Variants in ZSWIM5 observed in about 807,000 individuals in gnomAD.
ZSWIM5 encodes the protein zinc finger SWIM domain-containing protein 5.
In ZSWIM5, 55 loss-of-function variants were observed where a neutral mutation model predicts 119.6. That is an observed-to-expected ratio of 0.46 (90% confidence interval 0.37 to 0.58). The LOEUF (loss-of-function observed/expected upper bound fraction) is 0.58, where lower values mean the gene tolerates loss of function less well. Ranked by LOEUF, ZSWIM5 falls within the 20% of genes least tolerant of loss-of-function variation. The pLI, the probability that ZSWIM5 is intolerant of heterozygous loss-of-function variation, is 0.00. For synonymous variants in ZSWIM5, 537 were observed against 606.9 expected, an observed-to-expected ratio of 0.88 and a Z score of 1.69; for missense variants, 1,193 against 1,512.8, an observed-to-expected ratio of 0.79 and a Z score of 3.51.
intron 1 of ZSWIM5, among the ~76,000 whole-genome samples, chr1:45,106,018 C>T (rs1645473311): frequency 7.0e-6 from 1 of 143,606 alleles, no homozygotes; most frequent in Admixed American, 7.0e-5. Context: ...CCCGGCCGCC[C>T]CGTCTGGGAG....
intron 11 of ZSWIM5, among the ~76,000 whole-genome samples, chr1:45,030,517 G>C (rs566298141): frequency 6.6e-6 from 1 of 152,352 alleles, no homozygotes; most frequent in East Asian, 1.9e-4. Context: ...AAAGTGCTGG[G>C]ATTACAGGCG....
At chr1:45,075,511 A>G (rs1570063431) in intron 2 of ZSWIM5, among the ~76,000 whole-genome samples, 2 of 152,204 alleles carry the variant, frequency 1.3e-5, no homozygotes, top group East Asian at 3.8e-4. Flanking sequence ...TTTGTCTGAT[A>G]AAAGTATAGC....
In ZSWIM5 at chr1:45,020,673, A is replaced by G. The variant is rs373706921; in HGVS notation, c.2565T>C (p.Ser855=). The change falls in exon 12 of 14, where the codon AGT becomes AGC. Residue 855 remains serine (S), a synonymous_variant. Transcript: ENST00000359600. Reference sequence around the variant, plus strand: ...CGTTGAGCAGGGTGCTGTCAGTACTACTGTCGGTGGGAGTAGCAATCTTGA... The same window carrying G: ...CGTTGAGCAGGGTGCTGTCAGTACTGCTGTCGGTGGGAGTAGCAATCTTGA... ...DAFKIATPTD[S]STDSTLLNVA... The G allele has an allele frequency of 3.1e-6, 5 of 1,613,472 alleles. No homozygotes were observed. Among genetic ancestry groups the G allele is most frequent in the South Asian group, 2.2e-5 (2 of 90,988 alleles).
intron 1 of ZSWIM5, among the ~76,000 whole-genome samples, chr1:45,156,300 G>A (rs1490497253): frequency 6.9e-6 from 1 of 145,410 alleles, no homozygotes; most frequent in African/African-American, 2.7e-5. Context: ...AGAGAAAGGA[G>A]GGAGGGGGCA....
intron 11 of ZSWIM5, among the ~76,000 whole-genome samples, chr1:45,029,295 T>C (rs1048972955): frequency 6.6e-6 from 1 of 152,266 alleles, no homozygotes; most frequent in African/African-American, 2.4e-5. Flanking sequence ...CATCTTTCCT[T>C]GACATTCATG....
At position 45,062,858 on chromosome 1, in the gene ZSWIM5, C is replaced by G. The variant is rs1445997595; in HGVS notation, c.953-2611G>C. ...ATTTTAGATTCAGGGGATATACGTA[C>G]AGGTTTGTTACATGGGTATACTGTG... is the stretch of plus-strand genomic sequence containing the variant. On this transcript the variant is annotated intron_variant, in intron 2 of 13. Transcript: ENST00000359600. Among the ~76,000 whole-genome samples, 7 of 152,054 alleles carry G rather than the reference C, an allele frequency of 4.6e-5. No homozygotes were observed. The East Asian group carries it at 9.6e-4, about 21-fold the overall frequency.
At chr1:45,082,413 T>C (rs569137119) in intron 2 of ZSWIM5, among the ~76,000 whole-genome samples, 2 of 152,154 alleles carry the variant, frequency 1.3e-5, no homozygotes, top group Non-Finnish European at 2.9e-5. Context: ...CCTAAATTCA[T>C]TTCTCCTCTT....
intron 1 of ZSWIM5, among the ~76,000 whole-genome samples, chr1:45,093,624 G>C (rs116338211): frequency 1.3e-5 from 2 of 152,308 alleles, no homozygotes; most frequent in African/African-American, 4.8e-5. Flanking sequence ...CTTGTTGGGA[G>C]TTTCTTTTTC....
rs1645328464 is a variant in ZSWIM5 at position 45,086,073 on chromosome 1, G to C, written c.952+1808C>G. ...TTCTGCAGGCTGTACAGGAAGCATG[G>C]CTTGGGAGGCCTCAGGAACATTACA... On this transcript the variant is annotated intron_variant, in intron 2 of 13. Coordinates refer to ENST00000359600, the MANE Select transcript of ZSWIM5 (RefSeq NM_020883.2). Among the ~76,000 whole-genome samples, 3 of 152,326 alleles carry C rather than the reference G, an allele frequency of 2.0e-5. No individual in the cohort carries two copies. The South Asian group carries it at 6.2e-4, about 32-fold the overall frequency.
At chr1:45,112,067 TTTG>T (rs1331080276) in intron 1 of ZSWIM5, among the ~76,000 whole-genome samples, 1 of 152,202 alleles carries the variant, frequency 6.6e-6, no homozygotes, top group Non-Finnish European at 1.5e-5. Flanking sequence ...AAGGGTACAA[TTTG>T]TTAAGTTTTG....
intron 1 of ZSWIM5, among the ~76,000 whole-genome samples, chr1:45,118,118 TG>T (rs1186645831): frequency 2.6e-5 from 4 of 151,974 alleles, no homozygotes; most frequent in African/African-American, 9.6e-5. Flanking sequence ...AAAAAATTCT[TG>T]TTGTAAATCT....
chr1:45,118,812 A>G (rs1645574916), intron 1 of ZSWIM5, among the ~76,000 whole-genome samples: 1 of 152,106 alleles, frequency 6.6e-6, no homozygotes, highest in Admixed American at 6.6e-5. Context: ...CTTATCCAAT[A>G]TTTATTGAGC....
intron 1 of ZSWIM5, among the ~76,000 whole-genome samples, chr1:45,100,794 T>C (rs1645435247): frequency 6.6e-6 from 1 of 152,154 alleles, no homozygotes; most frequent in Non-Finnish European, 1.5e-5. Flanking sequence ...AAACAAGAAA[T>C]GGGGAAAGGA....
rs1163140238 is a variant in ZSWIM5, at chr1:45,121,245, C to A, written c.596-33008G>T. Among the ~76,000 whole-genome samples the A allele has an allele frequency of 4.6e-5, 7 of 152,352 alleles. No homozygotes were observed. In the South Asian group the frequency reaches 1.0e-3, roughly 23 times the overall value. ...GGATTACAGGCGTGAGCCACAGCAC[C>A]CGGCCCACCTTTCGTCTTAATTCAA... On this transcript the variant is annotated intron_variant, in intron 1 of 13. Coordinates refer to ENST00000359600, the MANE Select transcript of ZSWIM5 (RefSeq NM_020883.2).
chr1:45,159,914 T>C (rs911406153), intron 1 of ZSWIM5, among the ~76,000 whole-genome samples: 1 of 152,168 alleles, frequency 6.6e-6, no homozygotes, highest in East Asian at 1.9e-4. Context: ...TGACTAAAAA[T>C]CACTGATAGA....
At chr1:45,037,148 T>G (rs1442957354) in intron 8 of ZSWIM5, among the ~76,000 whole-genome samples, 3 of 133,916 alleles carry the variant, frequency 2.2e-5, no homozygotes, top group Admixed American at 8.1e-5. Flanking sequence ...TCTCGCTCCA[T>G]CTCCCAGGCT....
intron 1 of ZSWIM5, among the ~76,000 whole-genome samples, chr1:45,103,316 TATTAACTA>T (rs1371953881): frequency 2.0e-5 from 3 of 152,240 alleles, no homozygotes; most frequent in Non-Finnish European, 4.4e-5. Context: ...GCTTCCCATG[TATTAACTA>T]ATTAACTAAT....
At chr1:45,109,416 T>A (rs1054023642) in intron 1 of ZSWIM5, among the ~76,000 whole-genome samples, 2 of 152,180 alleles carry the variant, frequency 1.3e-5, no homozygotes, top group African/African-American at 2.4e-5. Context: ...CCTTTGCTGC[T>A]CTAACCCAAA....
intron 2 of ZSWIM5, among the ~76,000 whole-genome samples, chr1:45,062,421 T>C (rs1645158197): frequency 6.6e-6 from 1 of 152,216 alleles, no homozygotes; most frequent in Non-Finnish European, 1.5e-5. Flanking sequence ...ATTCCACAAA[T>C]ACAAATTAAC....
Sources: allele counts gnomAD v4.1 joint callset (sites outside exome capture counted in the v4.1 genomes callset), GRCh38; gene constraint gnomAD v4.1.1; transcripts MANE v1.5; gene names NCBI Gene and HGNC (gene_info 2026-07-23, HGNC 2026-07-21).